The following RXFP1 variants were observed in gnomAD, a reference collection of about 807,000 sequenced individuals.
RXFP1 encodes the protein relaxin family peptide receptor 1, also known as relaxin receptor 1.
Under a neutral mutation model 89.8 loss-of-function variants are expected in RXFP1, and 73 were observed. That is an observed-to-expected ratio of 0.81 (90% CI 0.67 to 0.99). RXFP1 has a LOEUF of 0.99. Ranked by LOEUF, RXFP1 falls within the 50% of genes least tolerant of loss-of-function variation. RXFP1 has a pLI of 0.00. For missense variants in RXFP1, 793 were observed against 895.5 expected, an observed-to-expected ratio of 0.89 and a Z score of 1.46; for synonymous variants, 277 against 305.5, an observed-to-expected ratio of 0.91 and a Z score of 0.97.
chr4:158,593,418 T>G lies in RXFP1; in HGVS notation c.205T>G (p.Ser69Ala), dbSNP rs1759925761. The change falls in exon 3 of 18, where the codon TCT (serine) becomes GCT (alanine). Residue 69 changes from serine to alanine, a missense_variant. Coordinates refer to ENST00000307765, the MANE Select transcript of RXFP1 (RefSeq NM_021634.4). ...TATTTTAGGAGACAACAATGGATGG[T>G]CTCTGCAATTTGACAAATATTTTGC... ...EDNCGDNNGW[S>A]LQFDKYFASY... The G allele has an allele frequency of 6.2e-7, 1 of 1,609,916 alleles. No individual in the cohort carries two copies. The highest frequency in any genetic ancestry group is 1.3e-5 in the African/African-American group (1 of 74,848).
At chr4:158,620,339 A>C (rs2150158803) in intron 9 of RXFP1, among the ~76,000 whole-genome samples, 1 of 152,310 alleles carries the variant, frequency 6.6e-6, no homozygotes, top group African/African-American at 2.4e-5. Flanking sequence ...TTGTCTAACA[A>C]ATGTGTAAAT....
intron 9 of RXFP1, among the ~76,000 whole-genome samples, chr4:158,620,979 A>T (rs1765515607): frequency 6.6e-6 from 1 of 152,024 alleles, no homozygotes; most frequent in Non-Finnish European, 1.5e-5. Context: ...TTAAAAAATT[A>T]GCTGAGCGTT....
chr4:158,614,241 T>C (rs1315219173), intron 8 of RXFP1, among the ~76,000 whole-genome samples: 1 of 152,192 alleles, frequency 6.6e-6, no homozygotes, highest in East Asian at 1.9e-4. Context: ...AGCGTTGACT[T>C]CCACTTAAAG....
chr4:158,588,140 A>T (rs918506256), intron 2 of RXFP1, among the ~76,000 whole-genome samples: 10 of 152,118 alleles, frequency 6.6e-5, no homozygotes, highest in African/African-American at 2.4e-4. Context: ...TCCTGATCCC[A>T]TCCCCAGAAC....
intron 1 of RXFP1, among the ~76,000 whole-genome samples, chr4:158,534,267 G>T (rs1269986343): frequency 5.3e-5 from 7 of 130,850 alleles, no homozygotes; most frequent in Non-Finnish European, 6.4e-5. Context: ...TTTTTTTTGA[G>T]ACAGAGTTTC....
intron 1 of RXFP1, among the ~76,000 whole-genome samples, chr4:158,564,457 G>T (rs2149957970): frequency 6.6e-6 from 1 of 152,320 alleles, no homozygotes; most frequent in East Asian, 1.9e-4. Flanking sequence ...AACAGTGGCA[G>T]CCAGGGAGGC....
chr4:158,645,832 C>T (rs114800807), intron 15 of RXFP1, among the ~76,000 whole-genome samples: 3 of 152,226 alleles, frequency 2.0e-5, no homozygotes, highest in Non-Finnish European at 4.4e-5. Flanking sequence ...CATGTGCTGT[C>T]CCCATCCTTA....
At chr4:158,648,815 A>C in intron 17 of RXFP1, 98 bp downstream of exon 17, 7 of 773,334 alleles carry the variant, frequency 9.1e-6, no homozygotes, top group Non-Finnish European at 1.4e-5. Flanking sequence ...AAACAATTCA[A>C]AGAATTGTAC....
chr4:158,595,186 A>G (rs1760290204), intron 3 of RXFP1, among the ~76,000 whole-genome samples: 1 of 152,166 alleles, frequency 6.6e-6, no homozygotes, highest in Admixed American at 6.5e-5. Flanking sequence ...TCTCTTACTC[A>G]TCATCACGTT....
At chr4:158,633,765 T>A (rs530022853) in intron 12 of RXFP1, among the ~76,000 whole-genome samples, 100 of 152,342 alleles carry the variant, frequency 6.6e-4, no homozygotes, top group African/African-American at 2.0e-3. Context: ...AGATACCTCA[T>A]AGAAGTAAAA....
At chr4:158,646,423 A>G in intron 15 of RXFP1, 1 of 1,149,134 alleles carries the variant, frequency 8.7e-7, no homozygotes, top group Non-Finnish European at 1.1e-6. Flanking sequence ...GAACCAAGTA[A>G]TGCCATCCTC....
At chr4:158,639,071 A>T (rs1016963018) in intron 13 of RXFP1, among the ~76,000 whole-genome samples, 189 bp from the exon 14 acceptor site, 8 of 152,168 alleles carry the variant, frequency 5.3e-5, no homozygotes, top group Admixed American at 5.2e-4. Flanking sequence ...TAAGGAAGAT[A>T]ATACGTGTAT....
chr4:158,538,685 T>A (rs1745857617), intron 1 of RXFP1, among the ~76,000 whole-genome samples: 1 of 151,912 alleles, frequency 6.6e-6, no homozygotes, highest in South Asian at 2.1e-4. Flanking sequence ...TCCTGGCACA[T>A]GCCTGTAATC....
rs570617611 is a variant in RXFP1 at position 158,596,520 on chromosome 4, G to A, written c.287-2806G>A. 1.8e-4 allele frequency among the ~76,000 whole-genome samples: 27 copies of A among 152,110 alleles called. No homozygotes were observed. The East Asian group carries it at 3.9e-3, about 22-fold the overall frequency. ...GGTGATCCACCCGCCTCAGCCTCCC[G>A]AAGTGCTGGGATTACAGGCATGAGC... On this transcript the variant is annotated intron_variant, in intron 3 of 17. Transcript: ENST00000307765.
rs74980690 is a variant in RXFP1, at chr4:158,637,332, A to G, written c.972-676A>G. ...AGGAAGCCCCATACTATTTTCCATA[A>G]TGGTTGTACTAATTTATATTCCCAT... On this transcript the variant is annotated intron_variant, in intron 12 of 17. Transcript: ENST00000307765. Among the ~76,000 whole-genome samples the G allele has an allele frequency of 4.2e-3, 633 of 152,270 alleles. 22 individuals are homozygous for G. In the East Asian group the frequency reaches 0.087, roughly 21 times the overall value.
intron 2 of RXFP1, among the ~76,000 whole-genome samples, chr4:158,588,659 G>A (rs1758771615): frequency 6.6e-6 from 1 of 152,178 alleles, no homozygotes; most frequent in South Asian, 2.1e-4. Flanking sequence ...CCCAAATCCT[G>A]GCTCTACAGG....
chr4:158,649,859 C>A (rs1772312773), intron 17 of RXFP1, among the ~76,000 whole-genome samples: 1 of 152,188 alleles, frequency 6.6e-6, no homozygotes, highest in Admixed American at 6.5e-5. Flanking sequence ...GGTCCAGTTA[C>A]CATCCAATGT....
At chr4:158,642,368 C>T (rs1770543123) in intron 14 of RXFP1, among the ~76,000 whole-genome samples, 1 of 152,052 alleles carries the variant, frequency 6.6e-6, no homozygotes, top group Admixed American at 6.6e-5. Context: ...GACATCCTAC[C>T]ATGGTATAGA....
chr4:158,568,282 G>A (rs1203132110), intron 1 of RXFP1, among the ~76,000 whole-genome samples: 2 of 152,118 alleles, frequency 1.3e-5, no homozygotes, highest in African/African-American at 2.4e-5. Context: ...ACCAATTCCG[G>A]ACACAATACA....
Sources: gnomAD v4.1 joint callset for allele counts (sites outside exome capture counted in the v4.1 genomes callset) on GRCh38, gnomAD v4.1.1 for gene constraint, MANE v1.5 for transcripts, NCBI Gene and HGNC (gene_info 2026-07-23, HGNC 2026-07-21) for gene names.